Variants in MYO16 observed in about 807,000 individuals in gnomAD.
MYO16 encodes myosin XVI.
MYO16 carries 94 observed loss-of-function variants against 205.3 expected under a neutral mutation model. The observed-to-expected ratio is 0.46, with a 90% CI of 0.39 to 0.54. The LOEUF is 0.54. Ranked by LOEUF, MYO16 falls within the 20% of genes least tolerant of loss-of-function variation. The pLI is 0.00. For synonymous variants in MYO16, 988 were observed against 954.0 expected (o/e 1.04, Z -0.66); for missense variants, 2,315 against 2,387.5 (o/e 0.97, Z 0.63).
At chr13:108,503,836 C>G in the MYO16 span, among the ~76,000 whole-genome samples, 1 of 151,848 alleles carries the variant, frequency 6.6e-6, no homozygotes, top group Non-Finnish European at 1.5e-5. Context: ...TGCAAAGTAA[C>G]CTGATGACCT....
At chr13:108,524,164 G>T in the MYO16 span, among the ~76,000 whole-genome samples, 13 of 152,124 alleles carry the variant, frequency 8.5e-5, no homozygotes, top group African/African-American at 3.1e-4. Flanking sequence ...GCCTGGGGTG[G>T]CAGTGTGCGC....
At chr13:109,176,327 A>T (rs1334596003) in intron 33 of MYO16, among the ~76,000 whole-genome samples, 1 of 151,780 alleles carries the variant, frequency 6.6e-6, no homozygotes, top group Non-Finnish European at 1.5e-5. Context: ...AATATCTGGG[A>T]TCTGTAGGAT....
chr13:109,117,658 A>T (rs1227719494), intron 28 of MYO16, among the ~76,000 whole-genome samples: 5 of 151,972 alleles, frequency 3.3e-5, no homozygotes, highest in African/African-American at 1.2e-4. Context: ...GTGGATATCA[A>T]AACTCTAGTA....
intron 12 of MYO16, among the ~76,000 whole-genome samples, chr13:108,870,169 C>G (rs112403176): frequency 3.3e-5 from 5 of 151,698 alleles, no homozygotes; most frequent in African/African-American, 1.2e-4. Flanking sequence ...TTTTTCTGTA[C>G]CAATTGTTGA....
intron 15 of MYO16, among the ~76,000 whole-genome samples, chr13:108,907,927 G>A (rs116170797): frequency 7.2e-5 from 11 of 152,132 alleles, no homozygotes; most frequent in Admixed American, 6.5e-4. Flanking sequence ...ATGCCTAAAG[G>A]CTAGAAAAAA....
intron 34 of MYO16, among the ~76,000 whole-genome samples, chr13:109,191,356 G>T (rs1016874836): frequency 3.3e-5 from 5 of 152,126 alleles, no homozygotes; most frequent in African/African-American, 1.2e-4. Flanking sequence ...CCTCATAGAA[G>T]TTAAATTCTA....
At chr13:108,760,377 A>G (rs910964633) in intron 4 of MYO16, among the ~76,000 whole-genome samples, 3 of 107,808 alleles carry the variant, frequency 2.8e-5, no homozygotes, top group African/African-American at 8.6e-5. Flanking sequence ...CAACACCATC[A>G]CATGCCTCTT....
intron 34 of MYO16, among the ~76,000 whole-genome samples, chr13:109,188,701 A>C (rs1879788530): frequency 6.6e-6 from 1 of 152,206 alleles, no homozygotes; most frequent in South Asian, 2.1e-4. Context: ...CCAACAGTGC[A>C]GTCTTTAATC....
At chr13:109,131,093 T>C (rs1049708019) in intron 31 of MYO16, among the ~76,000 whole-genome samples, 1 of 152,190 alleles carries the variant, frequency 6.6e-6, no homozygotes, top group Non-Finnish European at 1.5e-5. Flanking sequence ...GACCATTTGA[T>C]CACTATTCTA....
intron 16 of MYO16, among the ~76,000 whole-genome samples, chr13:108,919,379 T>C (rs1881642176): frequency 6.6e-6 from 1 of 152,234 alleles, no homozygotes. Context: ...ACCTCCTAAC[T>C]CAAAAATCTT....
At chr13:109,042,662 A>C (rs1426367730) in intron 23 of MYO16, among the ~76,000 whole-genome samples, 1 of 152,220 alleles carries the variant, frequency 6.6e-6, no homozygotes, top group Non-Finnish European at 1.5e-5. Flanking sequence ...CTGTCAACTC[A>C]AATCCTGTCA....
the MYO16 span, among the ~76,000 whole-genome samples, chr13:108,561,524 C>A: frequency 6.6e-6 from 1 of 152,114 alleles, no homozygotes; most frequent in South Asian, 2.1e-4. Flanking sequence ...ATAAAAGGTA[C>A]AAATGTTTTT....
chr13:108,542,314 A>G, the MYO16 span, among the ~76,000 whole-genome samples: 4 of 152,090 alleles, frequency 2.6e-5, no homozygotes, highest in Non-Finnish European at 4.4e-5. Flanking sequence ...GGCTTACTTA[A>G]GGGAAGAATT....
chr13:108,965,567 C>A (rs377144298), intron 20 of MYO16, among the ~76,000 whole-genome samples: 1 of 152,030 alleles, frequency 6.6e-6, no homozygotes, highest in Non-Finnish European at 1.5e-5. Context: ...CCACCACACC[C>A]GGCTAATTTT....
intron 12 of MYO16, among the ~76,000 whole-genome samples, chr13:108,869,163 C>T (rs1208254885): frequency 6.6e-6 from 1 of 151,972 alleles, no homozygotes; most frequent in African/African-American, 2.4e-5. Flanking sequence ...AGGGGACTCC[C>T]CCTAGGATTT....
chr13:108,827,576 C>T (rs1876345324), intron 9 of MYO16, among the ~76,000 whole-genome samples: 1 of 152,306 alleles, frequency 6.6e-6, no homozygotes, highest in East Asian at 1.9e-4. Context: ...GCCTGACTTT[C>T]AAGCTCATGT....
At chr13:109,190,141 A>G (rs1879851201) in intron 34 of MYO16, among the ~76,000 whole-genome samples, 1 of 152,160 alleles carries the variant, frequency 6.6e-6, no homozygotes, top group Non-Finnish European at 1.5e-5. Flanking sequence ...CTACATTTTT[A>G]AGGAAAAAAA....
At chr13:108,558,210 A>C in the MYO16 span, among the ~76,000 whole-genome samples, 1 of 152,256 alleles carries the variant, frequency 6.6e-6, no homozygotes, top group East Asian at 1.9e-4. Context: ...TTTTTATACA[A>C]CGTATTCACT....
intron 32 of MYO16, among the ~76,000 whole-genome samples, chr13:109,142,277 C>A (rs1002968301): frequency 6.6e-6 from 1 of 152,034 alleles, no homozygotes; most frequent in Non-Finnish European, 1.5e-5. Context: ...TATACAAAAC[C>A]AAAATGTTTT....
Sources: gnomAD v4.1 joint callset for allele counts (sites outside exome capture counted in the v4.1 genomes callset) on GRCh38, gnomAD v4.1.1 for gene constraint, MANE v1.5 for transcripts, NCBI Gene and HGNC (gene_info 2026-07-23, HGNC 2026-07-21) for gene names.